Variants in OGN observed in about 807,000 individuals in gnomAD.
OGN encodes osteoglycin, also known as mimecan.
A neutral mutation model predicts 30.8 loss-of-function variants in OGN; 19 were observed. That is an observed-to-expected ratio of 0.62 (90% CI 0.43 to 0.90). OGN has a LOEUF of 0.90. OGN is among the 40% of genes least tolerant of loss of function. The pLI is 0.00. For synonymous variants in OGN, 126 were observed against 128.3 expected (o/e 0.98, Z 0.12); for missense variants, 283 against 349.7 (o/e 0.81, Z 1.52).
At chr9:92,389,729 T>G (rs1167739853) in intron 5 of OGN, 125 bp downstream of exon 5, 1 of 636,440 alleles carries the variant, frequency 1.6e-6, no homozygotes, top group Non-Finnish European at 2.6e-6. Flanking sequence ...ATGTAAATAA[T>G]GTCTTCATTT....
In OGN at chr9:92,386,256, G is replaced by C. The variant is rs767463128; in HGVS notation, c.671C>G (p.Ala224Gly). The C allele has an allele frequency of 1.9e-5, 31 of 1,613,472 alleles. No homozygotes were observed. The South Asian group carries it at 3.0e-4, about 15-fold the overall frequency. The change falls in exon 6 of 7, where the codon GCC becomes GGC. Residue 224 changes from alanine to glycine, a missense_variant. Transcript: ENST00000375561. Reference sequence around the variant, plus strand: ...TAAATTAAGAGGCACGGATTCCAGGGCATTATGGTCCAAGTAGAGGAAGGT... The same window carrying C: ...TAAATTAAGAGGCACGGATTCCAGGCCATTATGGTCCAAGTAGAGGAAGGT... ...NLTFLYLDHNALESVPLNLPE... is the reference protein window; with the variant it reads ...NLTFLYLDHNGLESVPLNLPE...
intron 5 of OGN, among the ~76,000 whole-genome samples, chr9:92,387,835 CTCA>C (rs1429635236): frequency 6.6e-6 from 1 of 152,040 alleles, no homozygotes; most frequent in African/African-American, 2.4e-5. Context: ...ATGATCTGAG[CTCA>C]CTGCAACCTC....
intron 3 of OGN, among the ~76,000 whole-genome samples, chr9:92,398,489 A>G (rs915563882): frequency 6.6e-6 from 1 of 151,626 alleles, no homozygotes; most frequent in Non-Finnish European, 1.5e-5. Flanking sequence ...ATTTTCTTAT[A>G]TCCTTTTCTT....
At chr9:92,390,736 G>A (rs967005182) in intron 4 of OGN, among the ~76,000 whole-genome samples, 8 of 152,134 alleles carry the variant, frequency 5.3e-5, no homozygotes, top group African/African-American at 1.9e-4. Context: ...GAAATACAGG[G>A]TTATGTTCCT....
chr9:92,401,135 T>C lies in OGN; in HGVS notation c.225A>G (p.Lys75=). ...IPNEKSLQLQ[K]DEAITPLPPK... is the part of the protein sequence containing the mutation. The stretch of plus-strand genomic sequence containing the variant: ...GAGGTAATGGTGTTATTGCCTCATC[T>C]TTTTGTAATTGAAGACTTTTCTCAT... Residue 75 remains lysine (K), a synonymous_variant, in exon 3 of 7, where the codon AAA becomes AAG. Transcript: ENST00000375561. 1 of 1,558,614 alleles carries C rather than the reference T, an allele frequency of 6.4e-7. No individual in the cohort carries two copies. The highest frequency in any genetic ancestry group is 8.8e-7 in the Non-Finnish European group (1 of 1,131,072).
At chr9:92,386,399 A>G in intron 5 of OGN, 103 bp from the exon 6 acceptor site, 1 of 707,564 alleles carries the variant, frequency 1.4e-6, no homozygotes, top group Non-Finnish European at 2.5e-6. Flanking sequence ...ATATATACAG[A>G]CTTGCATATT....
At chr9:92,385,923 G>A in intron 6 of OGN, 133 bp from the exon 7 acceptor site, 1 of 793,894 alleles carries the variant, frequency 1.3e-6, no homozygotes, top group Non-Finnish European at 2.0e-6. Flanking sequence ...AAATTAATTA[G>A]GAAATACTCA....
intron 5 of OGN, among the ~76,000 whole-genome samples, chr9:92,389,409 C>G (rs772598138): frequency 2.0e-5 from 3 of 152,150 alleles, no homozygotes; most frequent in Non-Finnish European, 4.4e-5. Flanking sequence ...TAGAATTTCA[C>G]AGTCTAATAT....
chr9:92,401,110 G>A lies in OGN; in HGVS notation c.250C>T (p.Pro84Ser), dbSNP rs1196581734. Residue 84 changes from proline to serine, a missense_variant, in exon 3 of 7, where the codon CCC becomes TCC. By Grantham distance (74) the Pro-to-Ser change is moderately conservative. Transcript: ENST00000375561. ...QKDEAITPLP[P>S]KKENDEMPTC... ...TACTTACCATCATTTTCTTTCTTGG[G>A]AGGTAATGGTGTTATTGCCTCATCT... 6.7e-7 allele frequency: 1 copy of A among 1,486,844 alleles called. No individual in the cohort carries two copies. Among genetic ancestry groups the A allele is most frequent in the Non-Finnish European group, 9.4e-7 (1 of 1,067,958 alleles). The allele number at this position is 1,486,844 out of a possible 1,614,324, so 92.1% of individuals were successfully genotyped here.
At chr9:92,390,951 C>T (rs1842652469) in intron 4 of OGN, among the ~76,000 whole-genome samples, 1 of 152,108 alleles carries the variant, frequency 6.6e-6, no homozygotes, top group Admixed American at 6.6e-5. Context: ...ACTTCAGCAC[C>T]ATGTGTTGGG....
At chr9:92,389,004 G>A (rs1369353195) in intron 5 of OGN, among the ~76,000 whole-genome samples, 1 of 152,038 alleles carries the variant, frequency 6.6e-6, no homozygotes, top group Non-Finnish European at 1.5e-5. Context: ...TGGACTATTT[G>A]TACACTTTCT....
chr9:92,403,487 A>G lies in OGN; in HGVS notation c.-75-5T>C, dbSNP rs1843203944. The G allele has an allele frequency of 1.3e-6, 2 of 1,507,082 alleles. No individual in the cohort carries two copies. The highest frequency in any genetic ancestry group is 2.8e-5 in the African/African-American group (2 of 71,310). The allele number at this position is 1,507,082 out of a possible 1,614,324, so 93.4% of individuals were successfully genotyped here. On this transcript the variant is annotated splice_polypyrimidine_tract_variant and splice_region_variant and intron_variant, in intron 1 of 6. Transcript: ENST00000375561. ...GGGACAAAACTCTCTTTTTCCCTGGAAATAAAAATTCAGACCATCGAAGCA... is the reference window on the plus strand; with the variant it reads ...GGGACAAAACTCTCTTTTTCCCTGGGAATAAAAATTCAGACCATCGAAGCA...
chr9:92,398,727 T>C (rs887162816), intron 3 of OGN, among the ~76,000 whole-genome samples: 4 of 152,206 alleles, frequency 2.6e-5, no homozygotes. Context: ...ATGCAATGCT[T>C]TAGTGATTTT....
chr9:92,385,912 C>A, intron 6 of OGN, 122 bp from the exon 7 acceptor site: 1 of 864,648 alleles, frequency 1.2e-6, no homozygotes. Context: ...ATCCTTGTGT[C>A]AAATTAATTA....
Position 92,390,016 on chromosome 9 carries a change from T to G in OGN, c.468A>C (p.Glu156Asp). Residue 156 changes from glutamate to aspartate, a missense_variant, in exon 5 of 7, where the codon GAA becomes GAC. Coordinates refer to ENST00000375561, the MANE Select transcript of OGN (RefSeq NM_014057.5). ...RRLDFTGNLI[E>D]DIEDGTFSKL... ...TTGAAAAAGTACCATCTTCTATATC[T>G]TCTATCAAATTTCCTGTAAAATCGA... is the stretch of plus-strand genomic sequence containing the variant. 1 of 1,606,644 alleles carries G rather than the reference T, an allele frequency of 6.2e-7. No individual in the cohort carries two copies. The highest frequency in any genetic ancestry group is 8.5e-7 in the Non-Finnish European group (1 of 1,174,722).
rs749989622 is a variant in OGN, at chr9:92,384,805, T to C, written c.*815A>G. The C allele has an allele frequency of 6.6e-6, 1 of 152,144 alleles. No individual in the cohort carries two copies. The highest frequency in any genetic ancestry group is 2.4e-5 in the African/African-American group (1 of 41,428). The allele number at this position is 152,144 out of a possible 1,614,324, so 9.4% of individuals were successfully genotyped here. ...ATAAAAGGAAAATATTTTGCAGTTA[T>C]CTCGTATTTGAAAGACTTTGCCATA... is the stretch of plus-strand genomic sequence containing the variant. On this transcript the variant is annotated 3_prime_UTR_variant, in exon 7 of 7. Coordinates refer to ENST00000375561, the MANE Select transcript of OGN (RefSeq NM_014057.5).
At chr9:92,403,096 AATT>A in intron 2 of OGN, 135 bp downstream of exon 2, 1 of 575,382 alleles carries the variant, frequency 1.7e-6, no homozygotes, top group Non-Finnish European at 3.0e-6. Flanking sequence ...TCTTAGGGAC[AATT>A]ATTATGAATT....
intron 2 of OGN, among the ~76,000 whole-genome samples, chr9:92,402,611 C>T (rs1164185966): frequency 2.0e-5 from 3 of 152,300 alleles, no homozygotes; most frequent in South Asian, 2.1e-4. Flanking sequence ...TGTGGTATAA[C>T]GTCACCCTTG....
chr9:92,387,332 T>G (rs1371320321), intron 5 of OGN, among the ~76,000 whole-genome samples: 1 of 150,162 alleles, frequency 6.7e-6, no homozygotes, highest in Non-Finnish European at 1.5e-5. Context: ...GCCGAGATTG[T>G]GCCACTGCAC....
Sources: gnomAD v4.1 joint callset for allele counts (sites outside exome capture counted in the v4.1 genomes callset) on GRCh38, gnomAD v4.1.1 for gene constraint, MANE v1.5 for transcripts, NCBI Gene and HGNC (gene_info 2026-07-23, HGNC 2026-07-21) for gene names.